The following DLGAP2 variants were observed in gnomAD, a reference collection of about 807,000 sequenced individuals.
DLGAP2 encodes DLG associated protein 2, also known as disks large-associated protein 2.
In DLGAP2, 26 loss-of-function variants were observed where a neutral mutation model predicts 100.3. The observed-to-expected ratio is 0.26, with a 90% CI of 0.19 to 0.36. The LOEUF (loss-of-function observed/expected upper bound fraction) is 0.36. Among genes scored for constraint, DLGAP2 ranks in the 10% least tolerant of loss-of-function variants. DLGAP2 has a pLI of 1.00. For missense variants in DLGAP2, 1,858 were observed against 1,453.2 expected, an observed-to-expected ratio of 1.28 and a Z score of -4.53; for synonymous variants, 886 against 630.1, an observed-to-expected ratio of 1.41 and a Z score of -6.08.
At chr8:1,037,371 C>T (rs968743474) in intron 2 of DLGAP2, among the ~76,000 whole-genome samples, 4 of 152,164 alleles carry the variant, frequency 2.6e-5, no homozygotes, top group Non-Finnish European at 5.9e-5. Flanking sequence ...TGTTCCGCCT[C>T]GGGCCCAGGG....
At chr8:1,581,401 G>GA (rs1185697415) in intron 6 of DLGAP2, among the ~76,000 whole-genome samples, 1 of 149,018 alleles carries the variant, frequency 6.7e-6, no homozygotes, top group South Asian at 2.1e-4. Context: ...GAAGGATACA[G>GA]AAAAAACCCC....
intron 6 of DLGAP2, among the ~76,000 whole-genome samples, chr8:1,614,299 C>T (rs1363524972): frequency 6.6e-6 from 1 of 152,242 alleles, no homozygotes; most frequent in Non-Finnish European, 1.5e-5. Flanking sequence ...GCCGTGGGGC[C>T]TCTGCAGCCA....
chr8:1,358,695 G>T (rs116333009), intron 3 of DLGAP2, among the ~76,000 whole-genome samples: 2 of 152,130 alleles, frequency 1.3e-5, no homozygotes, highest in Non-Finnish European at 2.9e-5. Context: ...TAGGAGAAAC[G>T]TGTTATCCCC....
chr8:1,413,745 G>A (rs961877170), intron 3 of DLGAP2, among the ~76,000 whole-genome samples: 1 of 152,222 alleles, frequency 6.6e-6, no homozygotes, highest in African/African-American at 2.4e-5. Context: ...CTCTTCTGCA[G>A]GTGCAATGAC....
Position 1,281,959 on chromosome 8 carries a change from C to T in DLGAP2, c.106+23076C>T, listed in dbSNP as rs1365716462. On this transcript the variant is annotated intron_variant, in intron 3 of 14. Transcript: ENST00000637795. The stretch of plus-strand genomic sequence containing the variant: ...ATGAGCATGCACCAGGGCCGCAAAC[C>T]ATCTGGACATGGTGTAACCTGAACC... 2.1e-5 allele frequency among the ~76,000 whole-genome samples: 3 copies of T among 146,054 alleles called. 1 individual carries two copies. Among genetic ancestry groups the T allele is most frequent in the Non-Finnish European group, 4.5e-5 (3 of 67,068 alleles).
chr8:868,524 C>T lies in DLGAP2; in HGVS notation c.19-39388C>T, dbSNP rs143627338. ...GCCCCACAGCCACACTGCTCAGAGT[C>T]AGTCTCAAGTGACCGGAGACGGTGA... On this transcript the variant is annotated intron_variant, in intron 1 of 14. Transcript: ENST00000637795. Among the ~76,000 whole-genome samples the T allele has an allele frequency of 2.3e-3, 352 of 152,380 alleles. 1 individual carries two copies. Among genetic ancestry groups the T allele is most frequent in the African/African-American group, 7.9e-3 (329 of 41,594 alleles).
intron 3 of DLGAP2, among the ~76,000 whole-genome samples, chr8:1,428,433 A>AGAGT (rs773022608): frequency 6.6e-6 from 1 of 152,158 alleles, no homozygotes; most frequent in Non-Finnish European, 1.5e-5. Flanking sequence ...AGAGAGAGAA[A>AGAGT]GAGTGAGTGA....
At chr8:1,219,403 A>T (rs1440589239) in intron 2 of DLGAP2, among the ~76,000 whole-genome samples, 1 of 152,198 alleles carries the variant, frequency 6.6e-6, no homozygotes, top group African/African-American at 2.4e-5. Context: ...AGTTATGATT[A>T]TGTGATGAAT....
intron 3 of DLGAP2, among the ~76,000 whole-genome samples, chr8:1,386,039 A>C (rs1015339620): frequency 2.0e-5 from 3 of 152,282 alleles, no homozygotes; most frequent in Non-Finnish European, 2.9e-5. Context: ...TGTTACAAAA[A>C]TATGGTTTAA....
chr8:1,676,737 C>A, intron 11 of DLGAP2, 119 bp downstream of exon 11: 1 of 977,504 alleles, frequency 1.0e-6, no homozygotes, highest in Non-Finnish European at 1.5e-6. Flanking sequence ...GGAAACAGGG[C>A]CATACGTTTA....
Position 1,230,426 on chromosome 8 carries a change from C to T in DLGAP2, c.74-28425C>T, listed in dbSNP as rs371918924. ...GGAGGAATCAATATTGTTAAAATGGCTGTACTGCCCAAAGCGATCTACAGA... is the reference window on the plus strand; with the variant it reads ...GGAGGAATCAATATTGTTAAAATGGTTGTACTGCCCAAAGCGATCTACAGA... On this transcript the variant is annotated intron_variant, in intron 2 of 14. Coordinates refer to ENST00000637795, the MANE Select transcript of DLGAP2 (RefSeq NM_001346810.2). Among the ~76,000 whole-genome samples the T allele has an allele frequency of 9.2e-5, 14 of 152,274 alleles. 1 individual carries two copies. In the East Asian group the frequency reaches 9.7e-4, roughly 11 times the overall value.
intron 3 of DLGAP2, among the ~76,000 whole-genome samples, chr8:1,269,158 G>A (rs1048205115): frequency 6.6e-6 from 1 of 152,102 alleles, no homozygotes; most frequent in Non-Finnish European, 1.5e-5. Flanking sequence ...CCTCTTCTCC[G>A]GGCCATGTTC....
At chr8:1,190,552 C>A (rs548946436) in intron 2 of DLGAP2, among the ~76,000 whole-genome samples, 214 of 152,284 alleles carry the variant, frequency 1.4e-3, no homozygotes, top group Non-Finnish European at 2.3e-3. Context: ...CCCGTCCTTG[C>A]TTCTCATCTC....
At chr8:1,210,754 C>T (rs1230077786) in intron 2 of DLGAP2, among the ~76,000 whole-genome samples, 1 of 151,650 alleles carries the variant, frequency 6.6e-6, no homozygotes, top group Non-Finnish European at 1.5e-5. Flanking sequence ...ATGGCAGCAC[C>T]CCTGCAGGGC....
chr8:799,220 G>A (rs551202292), intron 1 of DLGAP2, among the ~76,000 whole-genome samples: 4 of 152,244 alleles, frequency 2.6e-5, no homozygotes, highest in African/African-American at 7.2e-5. Flanking sequence ...CTCCTTTCTC[G>A]GGCTCCTTCC....
chr8:1,058,554 G>A (rs1802953994), intron 2 of DLGAP2, among the ~76,000 whole-genome samples: 2 of 152,346 alleles, frequency 1.3e-5, no homozygotes, highest in South Asian at 4.1e-4. Context: ...GCAATGGGGA[G>A]CACTGTGTTG....
At chr8:1,221,227 G>A (rs907108902) in intron 2 of DLGAP2, among the ~76,000 whole-genome samples, 4 of 152,152 alleles carry the variant, frequency 2.6e-5, no homozygotes, top group East Asian at 1.9e-4. Context: ...TTTTGTGGTG[G>A]CAGATAAGGG....
At chr8:932,923 C>A (rs1017874054) in intron 2 of DLGAP2, among the ~76,000 whole-genome samples, 1 of 152,194 alleles carries the variant, frequency 6.6e-6, no homozygotes, top group African/African-American at 2.4e-5. Flanking sequence ...CCCCCTTTCC[C>A]CTCGATCTTT....
chr8:1,305,656 C>T (rs1428728499), intron 3 of DLGAP2, among the ~76,000 whole-genome samples: 1 of 152,160 alleles, frequency 6.6e-6, no homozygotes, highest in Non-Finnish European at 1.5e-5. Context: ...GAAAACCTAC[C>T]ATAAACACTG....
Sources: allele counts gnomAD v4.1 joint callset (sites outside exome capture counted in the v4.1 genomes callset), GRCh38; gene constraint gnomAD v4.1.1; transcripts MANE v1.5; gene names NCBI Gene and HGNC (gene_info 2026-07-23, HGNC 2026-07-21).